EPS15L1: variants seen among roughly 807,000 people sequenced by gnomAD.
EPS15L1 encodes the protein epidermal growth factor receptor substrate 15-like 1.
EPS15L1 carries 43 observed loss-of-function variants against 117.1 expected under a neutral mutation model. That is an observed-to-expected ratio of 0.37 (90% CI 0.29 to 0.47). EPS15L1 has a LOEUF of 0.47. EPS15L1 is among the 20% of genes least tolerant of loss of function. The probability of loss-of-function intolerance (pLI) is 0.99; values close to 1 mark genes in which losing one functional copy is unlikely to be tolerated. For missense variants in EPS15L1, 981 were observed against 1,164.0 expected (o/e 0.84, Z 2.29); for synonymous variants, 459 against 470.5 (o/e 0.98, Z 0.32).
At chr19:16,417,754 T>G in intron 11 of EPS15L1, 117 bp from the exon 12 acceptor site, 1 of 1,147,376 alleles carries the variant, frequency 8.7e-7, no homozygotes, top group Non-Finnish European at 1.3e-6. Flanking sequence ...CAGGGTGAGG[T>G]AGCAAAAGTG....
At chr19:16,379,951 G>C (rs1374117199) in intron 21 of EPS15L1, among the ~76,000 whole-genome samples, 1 of 151,848 alleles carries the variant, frequency 6.6e-6, no homozygotes, top group South Asian at 2.1e-4. Context: ...CCAGTGTCTA[G>C]TCACATAGAC....
chr19:16,442,181 C>G lies in EPS15L1; in HGVS notation c.72G>C (p.Lys24Asn), dbSNP rs1389828318. 1 of 1,613,210 alleles carries G rather than the reference C, an allele frequency of 6.2e-7. No individual in the cohort carries two copies. The highest frequency in any genetic ancestry group is 1.1e-5 in the South Asian group (1 of 91,064). The change falls in exon 2 of 24, where the codon AAG (lysine) becomes AAC (asparagine). Residue 24 changes from lysine (K) to asparagine (N), a missense_variant. Transcript: ENST00000455140. ...AAGAGACATCAGCTAAACTTACCTG[C>G]TTGTAATAAGATTCATACAACGAAT... ...TGNSLYESYYKQVDPAYTGRV... is the reference protein window; with the variant it reads ...TGNSLYESYYNQVDPAYTGRV...
In EPS15L1 at chr19:16,409,952, A is replaced by G. The variant is rs1296834091; in HGVS notation, c.1266+3821T>C. On this transcript the variant is annotated intron_variant, in intron 13 of 23. Coordinates refer to ENST00000455140, the MANE Select transcript of EPS15L1 (RefSeq NM_001258374.3). Reference sequence around the variant, plus strand: ...GACTCTGTCTCAAAAAAAAAAAAAAAAAAAAAAAAAATCAGCTATAAAAAG... The same window carrying G: ...GACTCTGTCTCAAAAAAAAAAAAAAGAAAAAAAAAAATCAGCTATAAAAAG... Among the ~76,000 whole-genome samples the G allele has an allele frequency of 2.0e-5, 3 of 150,772 alleles. No individual in the cohort carries two copies. The East Asian group carries it at 5.8e-4, about 29-fold the overall frequency.
intron 1 of EPS15L1, among the ~76,000 whole-genome samples, chr19:16,464,362 C>G (rs193200869): frequency 4.9e-4 from 75 of 152,320 alleles, no homozygotes; most frequent in African/African-American, 1.7e-3. Flanking sequence ...CGGTAAAACC[C>G]AGTCCAGCGC....
At chr19:16,391,734 G>A (rs1179369175) in intron 19 of EPS15L1, among the ~76,000 whole-genome samples, 1 of 151,796 alleles carries the variant, frequency 6.6e-6, no homozygotes, top group Non-Finnish European at 1.5e-5. Context: ...TGGGAGTACA[G>A]GTATGCTGGA....
chr19:16,427,367 GTTTTCTGA>G (rs1414774484), intron 8 of EPS15L1, among the ~76,000 whole-genome samples: 1 of 152,110 alleles, frequency 6.6e-6, no homozygotes, highest in Non-Finnish European at 1.5e-5. Flanking sequence ...CAGTTCTGGA[GTTTTCTGA>G]ATTTCTGAAT....
intron 8 of EPS15L1, among the ~76,000 whole-genome samples, chr19:16,426,703 G>C (rs2092876641): frequency 6.6e-6 from 1 of 152,094 alleles, no homozygotes; most frequent in Admixed American, 6.6e-5. Flanking sequence ...GAGCGATGGA[G>C]GAACTGTTCT....
chr19:16,457,452 T>G (rs1175155457), intron 1 of EPS15L1, among the ~76,000 whole-genome samples: 3 of 152,132 alleles, frequency 2.0e-5, no homozygotes, highest in Non-Finnish European at 4.4e-5. Flanking sequence ...CAAGCGAGGC[T>G]GTGGAGCACC....
chr19:16,425,155 C>T lies in EPS15L1; in HGVS notation c.720G>A (p.Pro240=), dbSNP rs773433155. ...TGAGGCTGCTGACGCTGCCGTGGGACGGCGTGGAGCGGAGGCTGTCTTTTG... is the reference window on the plus strand; with the variant it reads ...TGAGGCTGCTGACGCTGCCGTGGGATGGCGTGGAGCGGAGGCTGTCTTTTG... The part of the protein sequence containing the change: ...PPPKDSLRST[P]SHGSVSSLNS... The change falls in exon 9 of 24, where the codon CCG becomes CCA. Residue 240 remains proline, a synonymous_variant. Transcript: ENST00000455140. 104 of 1,608,386 alleles carry T rather than the reference C, an allele frequency of 6.5e-5. No homozygotes were observed. Among genetic ancestry groups the T allele is most frequent in the East Asian group, 2.0e-4 (9 of 44,468 alleles).
Position 16,385,055 on chromosome 19 carries a change from C to A in EPS15L1, c.2247+74G>T, listed in dbSNP as rs1190358433. On this transcript the variant is annotated intron_variant, in intron 21 of 23. Coordinates refer to ENST00000455140, the MANE Select transcript of EPS15L1 (RefSeq NM_001258374.3). ...TACATACGTGACATGAACAATTACG[C>A]CTGGCAGCCCACACCATGACAAGAG... 1.9e-5 allele frequency: 22 copies of A among 1,171,328 alleles called. No homozygotes were observed. The Admixed American group carries it at 3.8e-4, about 20-fold the overall frequency. 72.6% of individuals were successfully genotyped at this position (1,171,328 alleles called of 1,614,324 possible).
intron 1 of EPS15L1, among the ~76,000 whole-genome samples, chr19:16,444,316 T>C (rs2093062630): frequency 6.6e-6 from 1 of 151,656 alleles, no homozygotes; most frequent in Admixed American, 6.6e-5. Flanking sequence ...ACATAGGAGG[T>C]AAGTGTGTAT....
chr19:16,388,751 C>T (rs1219784238), intron 19 of EPS15L1, among the ~76,000 whole-genome samples: 6 of 151,936 alleles, frequency 3.9e-5, no homozygotes, highest in South Asian at 4.1e-4. Flanking sequence ...GGCGTGAACC[C>T]GGGAGGCGGA....
At chr19:16,409,617 T>C (rs1189413149) in intron 13 of EPS15L1, among the ~76,000 whole-genome samples, 2 of 152,180 alleles carry the variant, frequency 1.3e-5, no homozygotes, top group African/African-American at 4.8e-5. Context: ...CAAGGACTTC[T>C]ACCTAGAAAT....
intron 16 of EPS15L1, among the ~76,000 whole-genome samples, chr19:16,397,848 C>T (rs2092556315): frequency 6.6e-6 from 1 of 152,050 alleles, no homozygotes; most frequent in Non-Finnish European, 1.5e-5. Context: ...AATAAGGACT[C>T]TGTTTTAGTT....
At chr19:16,449,221 C>T (rs111468468) in intron 1 of EPS15L1, among the ~76,000 whole-genome samples, 8 of 151,820 alleles carry the variant, frequency 5.3e-5, no homozygotes, top group African/African-American at 1.9e-4. Context: ...CCAGCCTGGG[C>T]AACATAACAA....
At chr19:16,400,162 C>T (rs1030427805) in intron 16 of EPS15L1, among the ~76,000 whole-genome samples, 1 of 151,932 alleles carries the variant, frequency 6.6e-6, no homozygotes, top group African/African-American at 2.4e-5. Context: ...CACTGTGAAA[C>T]CTCGTCTCTA....
In EPS15L1 at chr19:16,405,350, G is replaced by A. The variant is rs569013854; in HGVS notation, c.1267-601C>T. Among the ~76,000 whole-genome samples, 13 of 152,320 alleles carry A rather than the reference G, an allele frequency of 8.5e-5. No individual in the cohort carries two copies. The highest frequency in any genetic ancestry group is 2.6e-4 in the African/African-American group (11 of 41,584). On this transcript the variant is annotated intron_variant, in intron 13 of 23. Transcript: ENST00000455140. This position sits in a 1 kb window ranked among gnomAD's most constrained non-coding sequence, Gnocchi z 4.0. Reference sequence around the variant, plus strand: ...CCACAGGCCACGCCAAGGAGACTGCGCTGGGCTCTGTGGTGGGGAGCCCGG... The same window carrying A: ...CCACAGGCCACGCCAAGGAGACTGCACTGGGCTCTGTGGTGGGGAGCCCGG...
chr19:16,399,408 T>C (rs1435826700), intron 16 of EPS15L1, among the ~76,000 whole-genome samples: 1 of 152,126 alleles, frequency 6.6e-6, no homozygotes, highest in Non-Finnish European at 1.5e-5. Context: ...GGCAGAGATG[T>C]AATATCTTGA....
At chr19:16,410,730 G>A (rs2092698954) in intron 13 of EPS15L1, among the ~76,000 whole-genome samples, 1 of 152,096 alleles carries the variant, frequency 6.6e-6, no homozygotes, top group African/African-American at 2.4e-5. Flanking sequence ...GGACAACACA[G>A]TGAGACCTTG....
Sources: gnomAD v4.1 joint callset for allele counts (sites outside exome capture counted in the v4.1 genomes callset) on GRCh38, gnomAD v4.1.1 for gene constraint, Gnocchi (gnomAD v3.1) non-coding constraint, MANE v1.5 for transcripts, NCBI Gene and HGNC (gene_info 2026-07-23, HGNC 2026-07-21) for gene names.